Variants in GALNT14 observed in about 807,000 individuals in gnomAD.
The protein encoded by GALNT14 is UDP-GalNAc:polypeptide N-acetylgalactosaminyltransferase 14.
Under a neutral mutation model 77.5 loss-of-function variants are expected in GALNT14, and 60 were observed. The ratio of observed to expected loss-of-function variants is 0.77; its 90% CI spans 0.63 to 0.96. The LOEUF (loss-of-function observed/expected upper bound fraction) is 0.96. Ranked by LOEUF, GALNT14 falls within the 40% of genes least tolerant of loss-of-function variation. The pLI, the probability that GALNT14 is intolerant of heterozygous loss-of-function variation, is 0.00. For missense variants in GALNT14, 710 were observed against 731.0 expected, an observed-to-expected ratio of 0.97 and a Z score of 0.33; for synonymous variants, 280 against 281.7, an observed-to-expected ratio of 0.99 and a Z score of 0.06.
Position 31,085,214 on chromosome 2 carries a change from C to T in GALNT14, c.129+52744G>A, listed in dbSNP as rs1261480296. On this transcript the variant is annotated intron_variant, in intron 1 of 14. Coordinates refer to ENST00000349752, the MANE Select transcript of GALNT14 (RefSeq NM_024572.4). ...CTAATTTGCCTAACTAGAAATCTGA[C>T]TCGAAATCTCCATGCCCCACTCCCT... 1.3e-5 allele frequency among the ~76,000 whole-genome samples: 2 copies of T among 152,178 alleles called. 1 individual carries two copies. The highest frequency in any genetic ancestry group is 2.9e-5 in the Non-Finnish European group (2 of 68,040).
At chr2:30,964,114 G>A (rs77295730) in intron 3 of GALNT14, among the ~76,000 whole-genome samples, 4,205 of 152,324 alleles carry the variant, frequency 0.028, 139 homozygotes, top group African/African-American at 0.083. Flanking sequence ...CAGCATCAGA[G>A]AGCTTCTTGC....
At chr2:31,033,114 C>T (rs1176357783) in intron 1 of GALNT14, among the ~76,000 whole-genome samples, 1 of 152,160 alleles carries the variant, frequency 6.6e-6, no homozygotes, top group African/African-American at 2.4e-5. Flanking sequence ...CTTGAGTGGG[C>T]TGCTTCTCCC....
chr2:31,061,983 A>G (rs1038029420), intron 1 of GALNT14, among the ~76,000 whole-genome samples: 1 of 152,180 alleles, frequency 6.6e-6, no homozygotes, highest in Non-Finnish European at 1.5e-5. Flanking sequence ...CATTTAATAT[A>G]GTGCCTAAAA....
intron 2 of GALNT14, among the ~76,000 whole-genome samples, chr2:30,989,016 A>G (rs1209927884): frequency 6.6e-6 from 1 of 152,194 alleles, no homozygotes; most frequent in East Asian, 1.9e-4. Context: ...CAGACGTACT[A>G]AATCAGATTT....
chr2:30,962,352 C>A (rs1667744025), intron 3 of GALNT14, among the ~76,000 whole-genome samples: 1 of 152,218 alleles, frequency 6.6e-6, no homozygotes, highest in Non-Finnish European at 1.5e-5. Context: ...AGTCCAAATT[C>A]TTAACCACCT....
chr2:31,116,734 ACT>A (rs781422562), intron 1 of GALNT14, among the ~76,000 whole-genome samples: 1 of 152,152 alleles, frequency 6.6e-6, no homozygotes, highest in Non-Finnish European at 1.5e-5. Flanking sequence ...TATAGAGAGA[ACT>A]ATATAACCAT....
chr2:31,087,021 G>A (rs12993947), intron 1 of GALNT14, among the ~76,000 whole-genome samples: 64,560 of 152,008 alleles, frequency 0.42, 14,111 homozygotes, highest in Middle Eastern at 0.46. Flanking sequence ...GAGGCAGCAT[G>A]GGGGAATGTG....
At chr2:31,113,712 TC>T (rs1677952736) in intron 1 of GALNT14, among the ~76,000 whole-genome samples, 1 of 151,960 alleles carries the variant, frequency 6.6e-6, no homozygotes, top group Non-Finnish European at 1.5e-5. Context: ...TAAGTTCAGT[TC>T]CCTTTCTAGC....
At chr2:30,916,708 C>T (rs1291651830) in intron 13 of GALNT14, among the ~76,000 whole-genome samples, 3 of 152,158 alleles carry the variant, frequency 2.0e-5, no homozygotes, top group Non-Finnish European at 4.4e-5. Flanking sequence ...GGGATGCAGA[C>T]GGGCCACAGC....
intron 9 of GALNT14, among the ~76,000 whole-genome samples, chr2:30,938,702 G>A (rs1271596424): frequency 6.6e-6 from 1 of 152,208 alleles, no homozygotes; most frequent in Admixed American, 6.5e-5. Flanking sequence ...GGCCATGGCA[G>A]CCAATCCATC....
chr2:30,992,524 C>T (rs1669768930), intron 2 of GALNT14, among the ~76,000 whole-genome samples: 2 of 152,140 alleles, frequency 1.3e-5, no homozygotes, highest in Admixed American at 1.3e-4. Flanking sequence ...CAGGCCTTGG[C>T]TGTAGTGTTT....
At chr2:31,044,226 C>T (rs1008210739) in intron 1 of GALNT14, among the ~76,000 whole-genome samples, 2 of 152,166 alleles carry the variant, frequency 1.3e-5, no homozygotes, top group Non-Finnish European at 2.9e-5. Context: ...TGGAAGGACA[C>T]AGCAATAAAA....
chr2:31,102,693 T>C (rs982030469), intron 1 of GALNT14, among the ~76,000 whole-genome samples: 1 of 152,154 alleles, frequency 6.6e-6, no homozygotes, highest in African/African-American at 2.4e-5. Context: ...AGAGCTTCCA[T>C]ATTGATTTTT....
intron 1 of GALNT14, among the ~76,000 whole-genome samples, chr2:31,133,578 G>T (rs1438158213): frequency 6.6e-6 from 1 of 152,082 alleles, no homozygotes; most frequent in Non-Finnish European, 1.5e-5. Flanking sequence ...TTACCCTCAG[G>T]CCTACAATTC....
the GALNT14 span, among the ~76,000 whole-genome samples, chr2:30,904,410 T>G: frequency 0.36 from 54,329 of 151,990 alleles, 9,997 homozygotes; most frequent in African/African-American, 0.46. Context: ...AGCGCAAGGG[T>G]TCAGGGAGTT....
intron 1 of GALNT14, among the ~76,000 whole-genome samples, chr2:31,112,332 C>T (rs1273387086): frequency 2.6e-5 from 4 of 152,176 alleles, no homozygotes; most frequent in South Asian, 2.1e-4. Context: ...GCTTGTGAGA[C>T]GTCCCATAGC....
downstream of GALNT14, among the ~76,000 whole-genome samples, chr2:30,906,843 A>T (rs1396971385): frequency 6.6e-6 from 1 of 152,238 alleles, no homozygotes; most frequent in Non-Finnish European, 1.5e-5. Context: ...AAAGAACAGA[A>T]ATTATAACAA....
chr2:31,069,518 G>A (rs1378415433), intron 1 of GALNT14, among the ~76,000 whole-genome samples: 2 of 152,188 alleles, frequency 1.3e-5, no homozygotes, highest in African/African-American at 4.8e-5. Flanking sequence ...CTGAGAGGTT[G>A]AATGAATGTG....
intron 1 of GALNT14, among the ~76,000 whole-genome samples, chr2:31,124,598 T>C (rs17010736): frequency 0.037 from 5,625 of 152,276 alleles, 380 homozygotes; most frequent in African/African-American, 0.13. Flanking sequence ...ACAATTAGCA[T>C]GGTTCAGGCA....
Sources: gnomAD v4.1 joint callset for allele counts (sites outside exome capture counted in the v4.1 genomes callset) on GRCh38, gnomAD v4.1.1 for gene constraint, MANE v1.5 for transcripts, NCBI Gene and HGNC (gene_info 2026-07-23, HGNC 2026-07-21) for gene names.